The following GAB1 variants were observed in gnomAD, a reference collection of about 807,000 sequenced individuals.
GAB1 encodes GRB2 associated binding protein 1, also known as GRB2-associated-binding protein 1.
GAB1 carries 19 observed loss-of-function variants against 66.5 expected under a neutral mutation model. The observed-to-expected ratio is 0.29, with a 90% CI of 0.20 to 0.42. The LOEUF is 0.42. GAB1 is among the 10% of genes least tolerant of loss of function. The pLI is 1.00. For synonymous variants in GAB1, 294 were observed against 301.4 expected (o/e 0.98, Z 0.25); for missense variants, 732 against 858.5 (o/e 0.85, Z 1.84).
At chr4:143,406,591 C>G (rs979194728) in intron 1 of GAB1, among the ~76,000 whole-genome samples, 1 of 152,174 alleles carries the variant, frequency 6.6e-6, no homozygotes, top group East Asian at 1.9e-4. Flanking sequence ...CTCTGTGTCC[C>G]GATTTTCCTC....
At chr4:143,415,003 C>G (rs982198133) in intron 1 of GAB1, among the ~76,000 whole-genome samples, 6 of 152,218 alleles carry the variant, frequency 3.9e-5, no homozygotes, top group African/African-American at 1.4e-4. Context: ...CAGGGCCTGA[C>G]AAATACCATT....
chr4:143,447,335 G>A (rs1734615444), intron 6 of GAB1, among the ~76,000 whole-genome samples: 2 of 152,192 alleles, frequency 1.3e-5, no homozygotes, highest in Admixed American at 1.3e-4. Flanking sequence ...TGTGAAGAAA[G>A]TCATTGGTAG....
intron 1 of GAB1, among the ~76,000 whole-genome samples, chr4:143,366,664 G>C (rs1481224863): frequency 6.6e-6 from 1 of 151,972 alleles, no homozygotes; most frequent in Non-Finnish European, 1.5e-5. Flanking sequence ...CTCCTTCCTT[G>C]TTATTGCTGA....
At chr4:143,396,978 G>A (rs1731486816) in intron 1 of GAB1, among the ~76,000 whole-genome samples, 1 of 152,188 alleles carries the variant, frequency 6.6e-6, no homozygotes, top group South Asian at 2.1e-4. Flanking sequence ...GGAGGGGTAA[G>A]AGAAGAATAA....
chr4:143,437,051 A>G (rs1488578742), intron 3 of GAB1, among the ~76,000 whole-genome samples: 2 of 152,164 alleles, frequency 1.3e-5, no homozygotes, highest in East Asian at 3.8e-4. Flanking sequence ...ACAAAAGCAC[A>G]ATGTGGCACA....
intron 1 of GAB1, among the ~76,000 whole-genome samples, chr4:143,339,658 C>A (rs1728764550): frequency 6.6e-6 from 1 of 152,138 alleles, no homozygotes; most frequent in Admixed American, 6.5e-5. Flanking sequence ...CTTTAAGTAG[C>A]TCTTTGAGTC....
At chr4:143,421,277 T>C (rs1320353893) in intron 2 of GAB1, among the ~76,000 whole-genome samples, 1 of 152,274 alleles carries the variant, frequency 6.6e-6, no homozygotes, top group East Asian at 1.9e-4. Flanking sequence ...TGTGAATATA[T>C]CACAAATTGT....
chr4:143,355,377 C>G, intron 1 of GAB1, among the ~76,000 whole-genome samples: 1 of 152,170 alleles, frequency 6.6e-6, no homozygotes, highest in East Asian at 1.9e-4. Flanking sequence ...TCTCGTGGAG[C>G]AGTTCATCCC....
At chr4:143,353,864 C>T (rs952582206) in intron 1 of GAB1, among the ~76,000 whole-genome samples, 1 of 152,154 alleles carries the variant, frequency 6.6e-6, no homozygotes, top group Non-Finnish European at 1.5e-5. Context: ...AACTAGCTTG[C>T]TAATCCTTTT....
intron 2 of GAB1, among the ~76,000 whole-genome samples, chr4:143,423,423 C>T (rs1254058295): frequency 6.6e-6 from 1 of 152,058 alleles, no homozygotes; most frequent in Non-Finnish European, 1.5e-5. Flanking sequence ...TTCAGCTGGG[C>T]ACGGTGGCTC....
intron 3 of GAB1, 34 bp from the exon 4 acceptor site, chr4:143,437,965 C>T (rs1560769529): frequency 1.9e-6 from 3 of 1,574,430 alleles, no homozygotes; most frequent in Admixed American, 3.6e-5. Flanking sequence ...TAGTCTCCAC[C>T]TTGTTTATTC....
At chr4:143,440,036 A>T (rs1428622223) in intron 5 of GAB1, 43 bp from the exon 6 acceptor site, 8 of 1,550,442 alleles carry the variant, frequency 5.2e-6, no homozygotes, top group African/African-American at 1.4e-5. Flanking sequence ...TTCATGTGTG[A>T]CAAGAGTTTT....
chr4:143,445,978 G>A (rs1734496446), intron 6 of GAB1, among the ~76,000 whole-genome samples: 2 of 151,876 alleles, frequency 1.3e-5, no homozygotes, highest in South Asian at 4.2e-4. Flanking sequence ...AGAGTGTGAT[G>A]TTCCCCTTCC....
At chr4:143,413,793 C>G (rs1332405618) in intron 1 of GAB1, among the ~76,000 whole-genome samples, 5 of 148,892 alleles carry the variant, frequency 3.4e-5, no homozygotes, top group African/African-American at 1.2e-4. Context: ...AGTCCTTCCA[C>G]TTCCCAGAGC....
intron 2 of GAB1, among the ~76,000 whole-genome samples, chr4:143,418,286 G>A (rs1490532986): frequency 4.6e-5 from 7 of 152,246 alleles, no homozygotes; most frequent in East Asian, 3.8e-4. Flanking sequence ...GTTACTAAAC[G>A]TGGTCACAGT....
intron 1 of GAB1, among the ~76,000 whole-genome samples, chr4:143,413,824 C>CTTTTTTTTTTTTTTTTTTTTTTTTTT (rs35422180): frequency 7.4e-5 from 5 of 67,832 alleles, no homozygotes; most frequent in African/African-American, 3.8e-4. Flanking sequence ...CCCCGCTGCC[C>CTTTTTTTTTTTTTTTTTTTTTTTTTT]TTTTTTTTTT....
chr4:143,338,514 A>G (rs1484803683), intron 1 of GAB1, among the ~76,000 whole-genome samples: 2 of 152,192 alleles, frequency 1.3e-5, no homozygotes, highest in African/African-American at 4.8e-5. Context: ...TTTCTGCCAG[A>G]ATTTATTATA....
At chr4:143,423,790 G>GTGTATA (rs1560759265) in intron 2 of GAB1, among the ~76,000 whole-genome samples, 1 of 33,404 alleles carries the variant, frequency 3.0e-5, no homozygotes, top group East Asian at 1.1e-3. Context: ...AAAAAAAAAA[G>GTGTATA]TGTATATATA....
intron 3 of GAB1, among the ~76,000 whole-genome samples, chr4:143,434,865 CAAG>C (rs894547504): frequency 6.6e-6 from 1 of 152,036 alleles, no homozygotes; most frequent in African/African-American, 2.4e-5. Context: ...AATAAAGAGT[CAAG>C]AAGCAGTTGT....
Sources: gnomAD v4.1 joint callset for allele counts (sites outside exome capture counted in the v4.1 genomes callset) on GRCh38, gnomAD v4.1.1 for gene constraint, MANE v1.5 for transcripts, NCBI Gene and HGNC (gene_info 2026-07-23, HGNC 2026-07-21) for gene names.